The following HYDIN variants were observed in gnomAD, a reference collection of about 807,000 sequenced individuals.
HYDIN encodes HYDIN axonemal central pair apparatus protein.
A neutral mutation model predicts 403.9 loss-of-function variants in HYDIN; 132 were observed. That is an observed-to-expected ratio of 0.33 (90% confidence interval 0.28 to 0.38). The LOEUF (loss-of-function observed/expected upper bound fraction) is 0.38. Ranked by LOEUF, HYDIN falls within the 10% of genes least tolerant of loss-of-function variation. The pLI, the probability that HYDIN is intolerant of heterozygous loss-of-function variation, is 1.00. For synonymous variants in HYDIN, 1,202 were observed against 1,891.7 expected (o/e 0.64, Z 9.46); for missense variants, 2,827 against 5,009.5 (o/e 0.56, Z 13.15).
At chr16:70,812,853 C>T (rs1053361200) in intron 84 of HYDIN, among the ~76,000 whole-genome samples, 1 of 152,206 alleles carries the variant, frequency 6.6e-6, no homozygotes. Flanking sequence ...GTAGTCTTCT[C>T]CCATATGATA....
chr16:71,228,327 A>G (rs1435879182), intron 1 of HYDIN, among the ~76,000 whole-genome samples: 20 of 152,210 alleles, frequency 1.3e-4, no homozygotes, highest in Non-Finnish European at 2.9e-4. Flanking sequence ...TAATTAAACT[A>G]AAGAGCTTCT....
At chr16:71,085,921 T>C (rs888398148) in intron 12 of HYDIN, among the ~76,000 whole-genome samples, 35 of 152,030 alleles carry the variant, frequency 2.3e-4, no homozygotes, top group Non-Finnish European at 4.4e-4. Flanking sequence ...AAGATATAGA[T>C]TTTTGGCGGG....
intron 41 of HYDIN, among the ~76,000 whole-genome samples, chr16:70,946,411 G>A (rs1223950430): frequency 6.6e-6 from 1 of 151,166 alleles, no homozygotes; most frequent in Non-Finnish European, 1.5e-5. Flanking sequence ...AGACCAAAGG[G>A]CCCATTGGAG....
At chr16:71,219,255 C>T (rs1335486324) in intron 1 of HYDIN, among the ~76,000 whole-genome samples, 1 of 151,770 alleles carries the variant, frequency 6.6e-6, no homozygotes, top group Non-Finnish European at 1.5e-5. Flanking sequence ...ATTAGAGCAA[C>T]TTTACATTCA....
chr16:71,191,901 C>A (rs772172133), intron 1 of HYDIN, among the ~76,000 whole-genome samples: 2 of 152,148 alleles, frequency 1.3e-5, no homozygotes, highest in Non-Finnish European at 2.9e-5. Context: ...CAAGTGTAGG[C>A]ATCACCTATG....
chr16:70,884,985 T>A (rs1365870663), intron 58 of HYDIN, among the ~76,000 whole-genome samples: 1 of 152,244 alleles, frequency 6.6e-6, no homozygotes, highest in South Asian at 2.1e-4. Context: ...CAGTGTGAAG[T>A]GGGGCATGCA....
At chr16:70,946,620 A>C (rs2077869939) in intron 41 of HYDIN, among the ~76,000 whole-genome samples, 1 of 152,102 alleles carries the variant, frequency 6.6e-6, no homozygotes, top group Admixed American at 6.5e-5. Flanking sequence ...TAGGGAGGGC[A>C]CGAGGTGGGT....
At chr16:71,201,168 CT>C (rs2087986387) in intron 1 of HYDIN, among the ~76,000 whole-genome samples, 1 of 152,144 alleles carries the variant, frequency 6.6e-6, no homozygotes, top group Admixed American at 6.5e-5. Flanking sequence ...AAATATGTAA[CT>C]AAATTTTTAT....
intron 76 of HYDIN, among the ~76,000 whole-genome samples, chr16:70,839,248 T>C (rs2037648417): frequency 7.8e-6 from 1 of 128,062 alleles, no homozygotes; most frequent in Non-Finnish European, 1.5e-5. Context: ...GGTATTATTA[T>C]GACTACCATT....
chr16:71,192,589 C>T (rs1420492674), intron 1 of HYDIN, among the ~76,000 whole-genome samples: 1 of 152,106 alleles, frequency 6.6e-6, no homozygotes, highest in East Asian at 1.9e-4. Context: ...GCTCTCCCAC[C>T]CCATGGCAGC....
At chr16:71,174,812 G>T (rs1360048203) in intron 5 of HYDIN, among the ~76,000 whole-genome samples, 1 of 152,158 alleles carries the variant, frequency 6.6e-6, no homozygotes, top group Admixed American at 6.5e-5. Flanking sequence ...CCTGTGAGCT[G>T]ATGGGGGTGA....
chr16:71,130,612 C>T (rs1198784127), intron 8 of HYDIN, among the ~76,000 whole-genome samples: 6 of 151,202 alleles, frequency 4.0e-5, no homozygotes, highest in Non-Finnish European at 7.4e-5. Flanking sequence ...CTCAGCCTCC[C>T]GAGTAGCTGG....
At position 71,100,612 on chromosome 16, in the gene HYDIN, T is replaced by C. The variant is rs1050037385; in HGVS notation, c.1328-6677A>G. Among the ~76,000 whole-genome samples, 13 of 152,322 alleles carry C rather than the reference T, an allele frequency of 8.5e-5. 1 individual carries two copies. The highest frequency in any genetic ancestry group is 2.9e-4 in the African/African-American group (12 of 41,576). ...CACAAATACATGTGAATTTGATTTA[T>C]ATCAGAGTAGGTGTTGAATATCAGT... is the stretch of plus-strand genomic sequence containing the variant. On this transcript the variant is annotated intron_variant, in intron 10 of 85. Coordinates refer to ENST00000393567, the MANE Select transcript of HYDIN (RefSeq NM_001270974.2).
chr16:71,214,281 T>C (rs557554812), intron 1 of HYDIN, among the ~76,000 whole-genome samples: 117 of 152,072 alleles, frequency 7.7e-4, no homozygotes, highest in Non-Finnish European at 1.5e-3. Flanking sequence ...GTTAGAAAAT[T>C]CAGTATTGTA....
intron 57 of HYDIN, among the ~76,000 whole-genome samples, chr16:70,890,796 T>C (rs1485008407): frequency 2.0e-5 from 3 of 152,202 alleles, no homozygotes; most frequent in Non-Finnish European, 4.4e-5. Context: ...GGTAGCTTTG[T>C]GACGGTGTCT....
At chr16:71,054,296 T>TAAA in intron 18 of HYDIN, among the ~76,000 whole-genome samples, 1 of 152,406 alleles carries the variant, frequency 6.6e-6, no homozygotes, top group Non-Finnish European at 1.5e-5. Flanking sequence ...TCCTTATGCC[T>TAAA]TTTTCCTCAT....
At position 71,163,119 on chromosome 16, in the gene HYDIN, CTTTTT is replaced by C. The variant is rs71272746; in HGVS notation, c.517-394_517-390del. 3.5e-4 allele frequency among the ~76,000 whole-genome samples: 42 copies of C among 120,724 alleles called. 1 individual carries two copies. The highest frequency in any genetic ancestry group is 4.5e-3 in the Middle Eastern group (1 of 224). 79.2% of individuals were successfully genotyped at this position (120,724 alleles called of 152,430 possible). ...AAGCCCATGTATTAGAATGATGTTT[CTTTTT>C]TTTTTTTTTTTTTTTTGAGACAGAG... On this transcript the variant is annotated intron_variant, in intron 5 of 85. Transcript: ENST00000393567.
intron 22 of HYDIN, among the ~76,000 whole-genome samples, 199 bp from the exon 23 acceptor site, chr16:71,018,641 A>C (rs2080346559): frequency 6.6e-6 from 1 of 151,700 alleles, no homozygotes; most frequent in South Asian, 2.1e-4. Context: ...ATATGTAAAC[A>C]GCTAGTACAT....
At chr16:70,921,852 G>A (rs1369103097) in intron 45 of HYDIN, among the ~76,000 whole-genome samples, 2 of 152,184 alleles carry the variant, frequency 1.3e-5, no homozygotes, top group African/African-American at 2.4e-5. Context: ...TTTAAAATAT[G>A]TATTTATTTA....
Sources: gnomAD v4.1 joint callset for allele counts (sites outside exome capture counted in the v4.1 genomes callset) on GRCh38, gnomAD v4.1.1 for gene constraint, MANE v1.5 for transcripts, NCBI Gene and HGNC (gene_info 2026-07-23, HGNC 2026-07-21) for gene names.